C1GALT1: variants seen among roughly 807,000 people sequenced by gnomAD.
C1GALT1 encodes core 1 synthase, glycoprotein-N-acetylgalactosamine 3-beta-galactosyltransferase 1.
A neutral mutation model predicts 31.0 loss-of-function variants in C1GALT1; 11 were observed. The observed-to-expected ratio is 0.36, with a 90% confidence interval of 0.22 to 0.59. The LOEUF is 0.59. C1GALT1 is among the 20% of genes least tolerant of loss of function. The pLI, the probability that C1GALT1 is intolerant of heterozygous loss-of-function variation, is 0.79. For synonymous variants in C1GALT1, 175 were observed against 143.6 expected, an observed-to-expected ratio of 1.22 and a Z score of -1.56; for missense variants, 424 against 425.2, an observed-to-expected ratio of 1.00 and a Z score of 0.03.
At chr7:7,203,183 G>T (rs1781593534) in intron 1 of C1GALT1, among the ~76,000 whole-genome samples, 3 of 149,904 alleles carry the variant, frequency 2.0e-5, no homozygotes, top group Admixed American at 6.6e-5. Flanking sequence ...TTCCAGTTTG[G>T]TTGTCTTTTG....
intron 2 of C1GALT1, among the ~76,000 whole-genome samples, chr7:7,167,227 G>A (rs543010081): frequency 6.6e-6 from 1 of 152,196 alleles, no homozygotes; most frequent in African/African-American, 2.4e-5. Context: ...TGCTTATGCA[G>A]TGTACAGATA....
chr7:7,212,878 G>T (rs1328841251), intron 1 of C1GALT1, among the ~76,000 whole-genome samples: 1 of 152,162 alleles, frequency 6.6e-6, no homozygotes, highest in Non-Finnish European at 1.5e-5. Context: ...GCAGGGGAAT[G>T]TCACGATGGC....
At chr7:7,242,651 T>TG in intron 3 of C1GALT1, among the ~76,000 whole-genome samples, 1 of 152,220 alleles carries the variant, frequency 6.6e-6, no homozygotes, top group South Asian at 2.1e-4. Context: ...CTAGGTTGAC[T>TG]GCTTAATTCA....
chr7:7,246,363 A>G lies in C1GALT1; in HGVS notation c.*2636A>G, dbSNP rs747040653. 6.6e-6 allele frequency: 1 copy of G among 152,252 alleles called. No homozygotes were observed. Among genetic ancestry groups the G allele is most frequent in the Non-Finnish European group, 1.5e-5 (1 of 67,986 alleles). 9.4% of individuals were successfully genotyped at this position (152,252 alleles called of 1,614,324 possible). A position where few individuals can be genotyped will look rare whatever the true frequency, so the allele number is the denominator to read the frequency against. ...TTATTTCCATTTTTATGTATATGAT[A>G]TATGACGTCTGATGCATTGGCCAGT... On this transcript the variant is annotated 3_prime_UTR_variant, in exon 4 of 4. Transcript: ENST00000436587.
At chr7:7,218,868 C>T (rs953354095) in intron 1 of C1GALT1, among the ~76,000 whole-genome samples, 5 of 148,932 alleles carry the variant, frequency 3.4e-5, no homozygotes, top group East Asian at 2.0e-4. Context: ...GAGTCTTGCT[C>T]TGTCGCCCAG....
At chr7:7,229,992 A>T (rs892232121) in intron 1 of C1GALT1, among the ~76,000 whole-genome samples, 1 of 152,172 alleles carries the variant, frequency 6.6e-6, no homozygotes, top group South Asian at 2.1e-4. Context: ...TGGTTAATTT[A>T]CATCTCAAGA....
intron 1 of C1GALT1, chr7:7,210,615 A>C (rs1421491860): frequency 6.6e-6 from 1 of 152,380 alleles, no homozygotes; most frequent in Non-Finnish European, 1.5e-5. Context: ...TTCGATTTGC[A>C]TAGGGCTCCG....
intron 1 of C1GALT1, among the ~76,000 whole-genome samples, chr7:7,226,032 C>A (rs1307308247): frequency 6.6e-6 from 1 of 152,158 alleles, no homozygotes; most frequent in Non-Finnish European, 1.5e-5. Flanking sequence ...TAACCTGTCT[C>A]ATACTCAGTT....
chr7:7,180,910 C>A (rs371698559), upstream of C1GALT1, among the ~76,000 whole-genome samples: 220 of 127,560 alleles, frequency 1.7e-3, no homozygotes, highest in Middle Eastern at 4.0e-3. Context: ...CATATCTCTT[C>A]AAAAAAAAAA....
intron 1 of C1GALT1, among the ~76,000 whole-genome samples, chr7:7,196,875 C>T (rs113786522): frequency 0.033 from 5,014 of 152,154 alleles, 188 homozygotes; most frequent in African/African-American, 0.092. Context: ...TTGAGAAGTA[C>T]CTGTTCATAT....
chr7:7,197,370 C>T (rs967235075), intron 1 of C1GALT1, among the ~76,000 whole-genome samples: 19 of 152,128 alleles, frequency 1.2e-4, no homozygotes, highest in African/African-American at 3.9e-4. Context: ...GGTTTTATTA[C>T]CGAGGGCTAT....
At chr7:7,186,946 T>G (rs1346767830) in intron 1 of C1GALT1, among the ~76,000 whole-genome samples, 1 of 152,218 alleles carries the variant, frequency 6.6e-6, no homozygotes, top group Non-Finnish European at 1.5e-5. Flanking sequence ...GGGAGGGTTT[T>G]GAGCAAATGA....
At position 7,243,578 on chromosome 7, in the gene C1GALT1, A is replaced by G. The variant is rs758608455; in HGVS notation, c.943A>G (p.Thr315Ala). ...TTCTTTTCACTATGTTGATTCTACA[A>G]CCATGTATGAGTTAGAATACCTCGT... ...AVSFHYVDSTTMYELEYLVYH... is the reference protein window; with the variant it reads ...AVSFHYVDSTAMYELEYLVYH... The change falls in exon 4 of 4, where the codon ACC becomes GCC. Residue 315 changes from threonine (T) to alanine (A), a missense_variant. By Grantham distance (58) the Thr-to-Ala change is moderately conservative (BLOSUM62 0). Coordinates refer to ENST00000436587, the MANE Select transcript of C1GALT1 (RefSeq NM_020156.5). 1.2e-6 allele frequency: 2 copies of G among 1,612,180 alleles called. No homozygotes were observed. Among genetic ancestry groups the G allele is most frequent in the East Asian group, 2.2e-5 (1 of 44,776 alleles).
intron 3 of C1GALT1, among the ~76,000 whole-genome samples, chr7:7,242,682 A>G (rs1024917966): frequency 6.6e-6 from 1 of 151,794 alleles, no homozygotes; most frequent in Admixed American, 6.6e-5. Flanking sequence ...TGTCTTCTTA[A>G]TTTTCTTGCT....
At chr7:7,175,608 C>T (rs1044138474) in intron 2 of C1GALT1, among the ~76,000 whole-genome samples, 1 of 152,178 alleles carries the variant, frequency 6.6e-6, no homozygotes, top group African/African-American at 2.4e-5. Flanking sequence ...GCTTTTTCTG[C>T]CCTAGGTTCT....
At chr7:7,203,286 C>G (rs1361216195) in intron 1 of C1GALT1, among the ~76,000 whole-genome samples, 1 of 151,906 alleles carries the variant, frequency 6.6e-6, no homozygotes, top group Non-Finnish European at 1.5e-5. Flanking sequence ...TGTTGTAGAT[C>G]TTAGAGGAAA....
At chr7:7,197,633 A>T (rs1562567070) in intron 1 of C1GALT1, among the ~76,000 whole-genome samples, 1 of 152,164 alleles carries the variant, frequency 6.6e-6, no homozygotes, top group Non-Finnish European at 1.5e-5. Context: ...TACCTTGGGC[A>T]GTATGGCCAT....
intron 1 of C1GALT1, among the ~76,000 whole-genome samples, chr7:7,221,148 C>T (rs1326000652): frequency 6.6e-6 from 1 of 152,082 alleles, no homozygotes; most frequent in Non-Finnish European, 1.5e-5. Flanking sequence ...TTCCTCTTCT[C>T]TTTTATCTGG....
chr7:7,216,201 A>G (rs559904046), intron 1 of C1GALT1, among the ~76,000 whole-genome samples: 2 of 152,316 alleles, frequency 1.3e-5, no homozygotes, highest in Middle Eastern at 3.4e-3. Context: ...TTTATTACCC[A>G]TTTAGAAAAA....
Sources: allele counts gnomAD v4.1 joint callset (sites outside exome capture counted in the v4.1 genomes callset), GRCh38; gene constraint gnomAD v4.1.1; transcripts MANE v1.5; gene names NCBI Gene and HGNC (gene_info 2026-07-23, HGNC 2026-07-21).